SLAIN2: variants seen among roughly 807,000 people sequenced by gnomAD.
SLAIN2 encodes the protein SLAIN motif-containing protein 2.
In SLAIN2, 31 loss-of-function variants were observed where a neutral mutation model predicts 56.6. The observed-to-expected ratio is 0.55, with a 90% CI of 0.41 to 0.74. SLAIN2 has a LOEUF of 0.74. Among genes scored for constraint, SLAIN2 ranks in the 30% least tolerant of loss-of-function variants. The pLI, the probability that SLAIN2 is intolerant of heterozygous loss-of-function variation, is 0.00. For missense variants in SLAIN2, 777 were observed against 754.2 expected (o/e 1.03, Z -0.35); for synonymous variants, 317 against 284.9 (o/e 1.11, Z -1.13).
At chr4:48,383,198 A>AT (rs1716015967) in intron 5 of SLAIN2, among the ~76,000 whole-genome samples, 2 of 150,532 alleles carry the variant, frequency 1.3e-5, no homozygotes, top group African/African-American at 4.9e-5. Flanking sequence ...AAGTTTCTAG[A>AT]TTAAAAAAAG....
In SLAIN2 at chr4:48,420,364, A is replaced by G; in HGVS notation, c.1600A>G (p.Ser534Gly). Residue 534 changes from serine to glycine, a missense_variant, in exon 7 of 8, where the codon AGT (serine) becomes GGT (glycine). By Grantham distance (56) the Ser-to-Gly change is moderately conservative (BLOSUM62 0). Transcript: ENST00000264313. Reference protein sequence around the residue: ...TRPAGTTAMRSGLPRPSAPSA... With the variant: ...TRPAGTTAMRGGLPRPSAPSA... ...ACCTGCAGGGACAACTGCAATGAGA[A>G]GTGGCTTGCCCAGACCCAGTGCCCC... The G allele has an allele frequency of 1.2e-6, 2 of 1,614,046 alleles. No individual in the cohort carries two copies. The highest frequency in any genetic ancestry group is 1.7e-6 in the Non-Finnish European group (2 of 1,179,882).
At chr4:48,349,283 C>G (rs1195409065) in intron 1 of SLAIN2, among the ~76,000 whole-genome samples, 1 of 152,138 alleles carries the variant, frequency 6.6e-6, no homozygotes. Flanking sequence ...CTGAACAGGA[C>G]CACAGTGTAG....
At position 48,341,864 on chromosome 4, in the gene SLAIN2, G is replaced by T. The variant is rs544036217; in HGVS notation, c.125G>T (p.Gly42Val). The change falls in exon 1 of 8, where the codon GGC (glycine) becomes GTC (valine). Residue 42 changes from glycine (G) to valine (V), a missense_variant. By Grantham distance (109) the Gly-to-Val change is moderately radical. Transcript: ENST00000264313. ...CGCTCGGGGGCCGTGCAGGGCGCCGGCTCCCTTGGGCCCGGCAGCCCGGTT... is the reference window on the plus strand; with the variant it reads ...CGCTCGGGGGCCGTGCAGGGCGCCGTCTCCCTTGGGCCCGGCAGCCCGGTT... ...RSRSGAVQGA[G>V]SLGPGSPVRA... The T allele has an allele frequency of 6.4e-4, 973 of 1,518,860 alleles. No individual in the cohort carries two copies. The highest frequency in any genetic ancestry group is 8.1e-4 in the Non-Finnish European group (916 of 1,133,970). The allele number at this position is 1,518,860 out of a possible 1,614,324, so 94.1% of individuals were successfully genotyped here.
chr4:48,398,397 C>A (rs2109774875), intron 6 of SLAIN2, among the ~76,000 whole-genome samples: 1 of 152,120 alleles, frequency 6.6e-6, no homozygotes, highest in Admixed American at 6.5e-5. Flanking sequence ...GGATAGTAGA[C>A]CTTTGTCAGA....
At chr4:48,365,812 C>T (rs1715505556) in intron 1 of SLAIN2, among the ~76,000 whole-genome samples, 1 of 152,196 alleles carries the variant, frequency 6.6e-6, no homozygotes, top group Non-Finnish European at 1.5e-5. Flanking sequence ...ATCCACCAGC[C>T]TCGGCCTCCC....
chr4:48,420,195 A>T lies in SLAIN2; in HGVS notation c.1431A>T (p.Ala477=), dbSNP rs752811728. ...SPLALRQPVK[A]FSNHGSGSPG... is the part of the protein sequence containing the mutation. ...TGGCTCTTCGGCAACCAGTGAAAGC[A>T]TTTAGTAACCATGGCTCTGGTTCTC... Residue 477 remains alanine (A), a synonymous_variant, in exon 7 of 8, where the codon GCA becomes GCT. Transcript: ENST00000264313. The T allele has an allele frequency of 6.2e-7, 1 of 1,613,954 alleles. No homozygotes were observed. Among genetic ancestry groups the T allele is most frequent in the Admixed American group, 1.7e-5 (1 of 60,014 alleles).
intron 2 of SLAIN2, among the ~76,000 whole-genome samples, chr4:48,374,439 G>A (rs1029603090): frequency 3.3e-5 from 5 of 151,906 alleles, no homozygotes; most frequent in African/African-American, 4.8e-5. Context: ...GAGGTTTCAC[G>A]ATGTTGGCCA....
intron 7 of SLAIN2, 103 bp downstream of exon 7, chr4:48,420,546 T>C: frequency 1.5e-6 from 2 of 1,308,600 alleles, no homozygotes; most frequent in South Asian, 1.4e-5. Flanking sequence ...CAGAAAGTCA[T>C]GGTGGATTCC....
chr4:48,363,647 G>A (rs1715403176), intron 1 of SLAIN2, among the ~76,000 whole-genome samples: 1 of 107,530 alleles, frequency 9.3e-6, no homozygotes, highest in African/African-American at 3.5e-5. Context: ...TCCCGGACGG[G>A]GCGGCTGGCC....
intron 6 of SLAIN2, among the ~76,000 whole-genome samples, chr4:48,417,921 G>A (rs1333919374): frequency 6.6e-6 from 1 of 152,160 alleles, no homozygotes; most frequent in African/African-American, 2.4e-5. Flanking sequence ...CTGGCATATA[G>A]AAACATAGTC....
At chr4:48,358,123 C>T (rs139780558) in intron 1 of SLAIN2, among the ~76,000 whole-genome samples, 4 of 152,270 alleles carry the variant, frequency 2.6e-5, no homozygotes, top group African/African-American at 9.6e-5. Context: ...AATAGCTGTG[C>T]CACCTTGGAC....
At position 48,342,148 on chromosome 4, in the gene SLAIN2, C is replaced by G. The variant is rs780321784; in HGVS notation, c.389+20C>G. 3 of 1,337,556 alleles carry G rather than the reference C, an allele frequency of 2.2e-6. No individual in the cohort carries two copies. In the East Asian group the frequency reaches 9.4e-5, roughly 42 times the overall value. 82.9% of individuals were successfully genotyped at this position (1,337,556 alleles called of 1,614,324 possible). On this transcript the variant is annotated intron_variant, in intron 1 of 7. Transcript: ENST00000264313. ...GAGCTGGTGAGCGCGAGGCGCCGGGCAGGAGCTGGGCGGGGACGGGCCCGG... is the reference window on the plus strand; with the variant it reads ...GAGCTGGTGAGCGCGAGGCGCCGGGGAGGAGCTGGGCGGGGACGGGCCCGG...
chr4:48,399,855 A>G (rs947848482), intron 6 of SLAIN2, among the ~76,000 whole-genome samples: 7 of 151,866 alleles, frequency 4.6e-5, no homozygotes, highest in African/African-American at 1.2e-4. Context: ...GATAAAGCCA[A>G]CTGGATCTTG....
intron 6 of SLAIN2, among the ~76,000 whole-genome samples, chr4:48,405,064 T>C (rs1183723538): frequency 1.3e-5 from 2 of 152,258 alleles, no homozygotes; most frequent in East Asian, 1.9e-4. Flanking sequence ...ATTTAGGGAT[T>C]AATAAATTTA....
At chr4:48,394,285 G>C (rs1414729058) in intron 6 of SLAIN2, among the ~76,000 whole-genome samples, 1 of 152,134 alleles carries the variant, frequency 6.6e-6, no homozygotes, top group Non-Finnish European at 1.5e-5. Flanking sequence ...TAGCATGTTT[G>C]TGGTGGTTTG....
intron 1 of SLAIN2, among the ~76,000 whole-genome samples, chr4:48,351,443 T>C (rs879381345): frequency 4.6e-5 from 7 of 152,226 alleles, no homozygotes; most frequent in Non-Finnish European, 1.0e-4. Flanking sequence ...TGGGAGATAA[T>C]GAATCTTGTG....
intron 7 of SLAIN2, 54 bp from the exon 8 acceptor site, chr4:48,421,957 A>G (rs1282492504): frequency 1.5e-6 from 2 of 1,325,894 alleles, no homozygotes; most frequent in African/African-American, 1.5e-5. Flanking sequence ...ATAGTATGGT[A>G]CTATTTCATA....
intron 7 of SLAIN2, 117 bp from the exon 8 acceptor site, chr4:48,421,894 C>T (rs564997493): frequency 2.6e-5 from 20 of 779,902 alleles, no homozygotes; most frequent in South Asian, 1.2e-4. Flanking sequence ...GGACTTGGTA[C>T]GGCCTTCATG....
chr4:48,412,365 T>TACACACACACACACAC (rs748099130), intron 6 of SLAIN2, among the ~76,000 whole-genome samples: 11 of 112,900 alleles, frequency 9.7e-5, no homozygotes, highest in African/African-American at 3.0e-4. Context: ...TTTGTATATG[T>TACACACACACACACAC]ACACACACAC....
Sources: allele counts gnomAD v4.1 joint callset (sites outside exome capture counted in the v4.1 genomes callset), GRCh38; gene constraint gnomAD v4.1.1; transcripts MANE v1.5; gene names NCBI Gene and HGNC (gene_info 2026-07-23, HGNC 2026-07-21).